Variants in CCDC171 observed in about 807,000 individuals in gnomAD.
CCDC171 encodes coiled-coil domain-containing protein 171.
In CCDC171, 177 loss-of-function variants were observed where a neutral mutation model predicts 168.2. That is an observed-to-expected ratio of 1.05 (90% CI 0.93 to 1.19). The LOEUF (loss-of-function observed/expected upper bound fraction) is 1.19, where lower values mean the gene tolerates loss of function less well. Ranked by LOEUF, CCDC171 falls within the 50% of genes most tolerant of loss-of-function variation. The probability of loss-of-function intolerance (pLI) is 0.00; values close to 1 mark genes in which losing one functional copy is unlikely to be tolerated. For synonymous variants in CCDC171, 687 were observed against 540.8 expected, an observed-to-expected ratio of 1.27 and a Z score of -3.75; for missense variants, 1,991 against 1,539.0, an observed-to-expected ratio of 1.29 and a Z score of -4.91.
Position 16,025,377 on chromosome 9 carries a change from C to G in CCDC171, n.998+2469C>G, listed in dbSNP as rs1353385328. Among the ~76,000 whole-genome samples, 6 of 152,126 alleles carry G rather than the reference C, an allele frequency of 3.9e-5. No individual in the cohort carries two copies. The East Asian group carries it at 1.2e-3, about 29-fold the overall frequency. ...GAATTGCTTGAAACCAGTAGGGATC[C>G]CAGGAGGTAGAGCTTGCAGTGAGCT... On this transcript the variant is annotated intron_variant and non_coding_transcript_variant, in intron 6 of 9. Transcript: ENST00000486641.
chr9:16,003,851 A>G (rs1216441381), intron 3 of CCDC171, among the ~76,000 whole-genome samples: 1 of 152,206 alleles, frequency 6.6e-6, no homozygotes, highest in East Asian at 1.9e-4. Flanking sequence ...TCAACCTCCA[A>G]AATGCACTTT....
chr9:15,593,400 G>C (rs1021510437), intron 5 of CCDC171, among the ~76,000 whole-genome samples: 2 of 152,054 alleles, frequency 1.3e-5, no homozygotes, highest in Non-Finnish European at 1.5e-5. Context: ...AAACCCAAAA[G>C]GAAAGCATTT....
chr9:15,573,163 A>ATT (rs565623573), intron 3 of CCDC171, among the ~76,000 whole-genome samples: 1 of 152,046 alleles, frequency 6.6e-6, no homozygotes, highest in African/African-American at 2.4e-5. Context: ...TGAAAAGATG[A>ATT]TTTTTTTCAG....
At chr9:16,094,126 A>AG in the CCDC171 span, among the ~76,000 whole-genome samples, 4 of 152,178 alleles carry the variant, frequency 2.6e-5, no homozygotes, top group Non-Finnish European at 4.4e-5. Context: ...GAGTAAAGGT[A>AG]GGGGTGCATA....
At chr9:16,038,299 G>A (rs752852918), upstream of CCDC171, among the ~76,000 whole-genome samples, 3 of 152,118 alleles carry the variant, frequency 2.0e-5, no homozygotes, top group Non-Finnish European at 4.4e-5. Context: ...GAACTAGAAA[G>A]GAAGGGATGA....
chr9:15,769,280 GTTAATTTA>G (rs2056891343), intron 18 of CCDC171, among the ~76,000 whole-genome samples: 1 of 152,118 alleles, frequency 6.6e-6, no homozygotes, highest in Non-Finnish European at 1.5e-5. Context: ...TAGCTTTCTT[GTTAATTTA>G]AGTTGACAGA....
intron 4 of CCDC171, 126 bp downstream of exon 4, chr9:15,579,149 T>G: frequency 4.4e-6 from 3 of 682,838 alleles, no homozygotes; most frequent in Non-Finnish European, 7.0e-6. Context: ...TGACTTTTGA[T>G]GTACAGACTT....
chr9:16,091,401 A>T, the CCDC171 span, among the ~76,000 whole-genome samples: 8 of 152,228 alleles, frequency 5.3e-5, no homozygotes, highest in Admixed American at 1.3e-4. Flanking sequence ...TGTTGTGGAG[A>T]GCATGACTGC....
rs541335493 is a variant in CCDC171 at position 15,819,408 on chromosome 9, A to C, written c.3268-27294A>C. Among the ~76,000 whole-genome samples the C allele has an allele frequency of 1.7e-5, 2 of 117,664 alleles. 1 individual carries two copies. The highest frequency in any genetic ancestry group is 6.4e-5 in the African/African-American group (2 of 31,370). 77.2% of individuals were successfully genotyped at this position (117,664 alleles called of 152,430 possible). Reference sequence around the variant, plus strand: ...AAAGACACAGACTGGCAAATTGGATAGTCAAGACCCATCAGTGTGCTGTAT... The same window carrying C: ...AAAGACACAGACTGGCAAATTGGATCGTCAAGACCCATCAGTGTGCTGTAT... On this transcript the variant is annotated intron_variant, in intron 21 of 25. Coordinates refer to ENST00000380701, the MANE Select transcript of CCDC171 (RefSeq NM_173550.4).
chr9:15,643,331 T>A (rs73412243), intron 7 of CCDC171, among the ~76,000 whole-genome samples: 260 of 152,258 alleles, frequency 1.7e-3, no homozygotes, highest in African/African-American at 6.0e-3. Flanking sequence ...AAAGAAAAAA[T>A]TAGCATTGGG....
intron 21 of CCDC171, among the ~76,000 whole-genome samples, chr9:15,805,108 T>C (rs1190918324): frequency 6.6e-6 from 1 of 152,080 alleles, no homozygotes; most frequent in Non-Finnish European, 1.5e-5. Context: ...ATATCCTCCT[T>C]ATTTCTGATT....
intron 25 of CCDC171, among the ~76,000 whole-genome samples, chr9:15,952,685 C>G (rs943907074): frequency 1.3e-5 from 2 of 152,092 alleles, no homozygotes; most frequent in Non-Finnish European, 2.9e-5. Context: ...GCATGAGCCA[C>G]CGCGCGCGGC....
At chr9:15,770,368 T>A (rs1019694184) in intron 18 of CCDC171, among the ~76,000 whole-genome samples, 6 of 152,224 alleles carry the variant, frequency 3.9e-5, no homozygotes, top group African/African-American at 1.4e-4. Flanking sequence ...ACTTAAAATA[T>A]TTTGAAAACT....
chr9:16,076,807 A>G, the CCDC171 span, among the ~76,000 whole-genome samples: 1 of 152,188 alleles, frequency 6.6e-6, no homozygotes, highest in Non-Finnish European at 1.5e-5. Flanking sequence ...GGTGTGAACA[A>G]CTAAATCTAT....
intron 3 of CCDC171, among the ~76,000 whole-genome samples, chr9:15,995,640 C>T (rs2987033): frequency 3.9e-5 from 6 of 152,044 alleles, no homozygotes; most frequent in Non-Finnish European, 8.8e-5. Context: ...GACTTGTTCT[C>T]GTATCAGATT....
chr9:15,686,198 T>G (rs1025352702), intron 10 of CCDC171, among the ~76,000 whole-genome samples: 1 of 152,198 alleles, frequency 6.6e-6, no homozygotes, highest in African/African-American at 2.4e-5. Context: ...CTGTAAATTT[T>G]TATACCTTGA....
chr9:15,913,912 TCTC>T (rs1165420659), intron 24 of CCDC171, among the ~76,000 whole-genome samples: 5 of 152,340 alleles, frequency 3.3e-5, no homozygotes, highest in African/African-American at 1.2e-4. Context: ...CTTCTGCAGG[TCTC>T]CTGGAGTTTG....
the CCDC171 span, among the ~76,000 whole-genome samples, chr9:16,095,226 G>A: frequency 6.6e-6 from 1 of 152,214 alleles, no homozygotes; most frequent in South Asian, 2.1e-4. Flanking sequence ...CTCAGGAGCA[G>A]TTGTGCCTCT....
chr9:15,943,329 A>G (rs1477197632), intron 25 of CCDC171, among the ~76,000 whole-genome samples: 1 of 152,034 alleles, frequency 6.6e-6, no homozygotes, highest in East Asian at 1.9e-4. Flanking sequence ...TTTATGATTT[A>G]GAACTTATGA....
Sources: gnomAD v4.1 joint callset for allele counts (sites outside exome capture counted in the v4.1 genomes callset) on GRCh38, gnomAD v4.1.1 for gene constraint, MANE v1.5 for transcripts, NCBI Gene and HGNC (gene_info 2026-07-23, HGNC 2026-07-21) for gene names.